Variants in SORCS3 observed in about 807,000 individuals in gnomAD.
SORCS3 encodes sortilin related VPS10 domain containing receptor 3.
A neutral mutation model predicts 146.3 loss-of-function variants in SORCS3; 57 were observed. That is an observed-to-expected ratio of 0.39 (90% CI 0.31 to 0.49). The LOEUF is 0.49. Among genes scored for constraint, SORCS3 ranks in the 20% least tolerant of loss-of-function variants. The pLI, the probability that SORCS3 is intolerant of heterozygous loss-of-function variation, is 0.92. For missense variants in SORCS3, 1,341 were observed against 1,575.5 expected, an observed-to-expected ratio of 0.85 and a Z score of 2.52; for synonymous variants, 653 against 618.5, an observed-to-expected ratio of 1.06 and a Z score of -0.83.
chr10:105,158,975 A>G lies in SORCS3; in HGVS notation c.1713A>G (p.Pro571=), dbSNP rs781231124. The G allele has an allele frequency of 6.2e-7, 1 of 1,612,114 alleles. No individual in the cohort carries two copies. Among genetic ancestry groups the G allele is most frequent in the East Asian group, 2.2e-5 (1 of 44,822 alleles). Residue 571 remains proline, a synonymous_variant, in exon 11 of 27, where the codon CCA becomes CCG. Coordinates refer to ENST00000369701, the MANE Select transcript of SORCS3 (RefSeq NM_014978.3). ...SGRISSKETA[P]GLVVATGNIG... ...GAATCTCTAGCAAGGAGACAGCCCC[A>G]GGACTTGTGGTGGCTACAGGTAAGA...
chr10:104,715,041 A>C (rs576478399), intron 1 of SORCS3, among the ~76,000 whole-genome samples: 2 of 152,212 alleles, frequency 1.3e-5, no homozygotes, highest in African/African-American at 4.8e-5. Context: ...TTGGTACTCC[A>C]TACCAATTAT....
chr10:104,995,868 G>A (rs1321337126), intron 4 of SORCS3, among the ~76,000 whole-genome samples: 1 of 152,048 alleles, frequency 6.6e-6, no homozygotes, highest in East Asian at 1.9e-4. Context: ...CCTTTTACTA[G>A]CTGCTATTAT....
At chr10:104,883,991 G>T (rs954973912) in intron 2 of SORCS3, among the ~76,000 whole-genome samples, 5 of 151,884 alleles carry the variant, frequency 3.3e-5, no homozygotes, top group African/African-American at 1.2e-4. Context: ...GGGGGAAAGG[G>T]TCCTACCCTA....
intron 1 of SORCS3, among the ~76,000 whole-genome samples, chr10:104,750,901 T>C (rs910872454): frequency 6.6e-5 from 10 of 152,194 alleles, no homozygotes; most frequent in African/African-American, 2.4e-4. Context: ...TAGACCTATA[T>C]TCTAGAATGA....
At chr10:105,152,930 T>C (rs1186797434) in intron 9 of SORCS3, among the ~76,000 whole-genome samples, 2 of 130,060 alleles carry the variant, frequency 1.5e-5, no homozygotes, top group Non-Finnish European at 3.5e-5. Context: ...TAGGCTTTTC[T>C]CACTATTAAT....
At chr10:105,112,206 T>TTTTG (rs933244224) in intron 7 of SORCS3, among the ~76,000 whole-genome samples, 2 of 152,046 alleles carry the variant, frequency 1.3e-5, no homozygotes, top group Non-Finnish European at 2.9e-5. Context: ...CTTATATTCT[T>TTTTG]TTTGTTTGTT....
intron 6 of SORCS3, among the ~76,000 whole-genome samples, chr10:105,093,779 G>A (rs149732214): frequency 7.9e-4 from 121 of 152,236 alleles, no homozygotes; most frequent in Middle Eastern, 3.4e-3. Flanking sequence ...CTCATACATT[G>A]CTGGTGGGGA....
At chr10:105,231,595 A>T (rs532316784) in intron 20 of SORCS3, among the ~76,000 whole-genome samples, 2 of 152,216 alleles carry the variant, frequency 1.3e-5, no homozygotes, top group East Asian at 3.9e-4. Context: ...TTTGTTTCTG[A>T]TCTTAGTGGG....
intron 3 of SORCS3, 125 bp downstream of exon 3, chr10:104,916,057 G>A (rs2019023672): frequency 4.4e-6 from 3 of 681,034 alleles, no homozygotes; most frequent in South Asian, 1.8e-5. Context: ...TATATGCTGG[G>A]AACTTCATAA....
At chr10:105,123,982 T>C (rs2055954438) in intron 7 of SORCS3, among the ~76,000 whole-genome samples, 1 of 152,206 alleles carries the variant, frequency 6.6e-6, no homozygotes, top group African/African-American at 2.4e-5. Context: ...TGTGTGAGTA[T>C]ATAAAATATC....
intron 4 of SORCS3, among the ~76,000 whole-genome samples, chr10:104,984,885 A>G (rs2054953277): frequency 6.6e-6 from 1 of 152,208 alleles, no homozygotes; most frequent in African/African-American, 2.4e-5. Flanking sequence ...TCTCAACTTA[A>G]AAATACCTTA....
chr10:105,230,742 G>C (rs1589699690), intron 20 of SORCS3, among the ~76,000 whole-genome samples: 4 of 152,268 alleles, frequency 2.6e-5, no homozygotes, highest in Admixed American at 2.0e-4. Flanking sequence ...CTGTCTGTGG[G>C]GGATGTCAAC....
chr10:105,131,121 G>A (rs962681128), intron 7 of SORCS3, among the ~76,000 whole-genome samples: 11 of 152,072 alleles, frequency 7.2e-5, no homozygotes, highest in Non-Finnish European at 1.3e-4. Context: ...TTGTTCTTAA[G>A]ATAAATATGA....
chr10:104,679,105 T>C (rs1057056689), intron 1 of SORCS3, among the ~76,000 whole-genome samples: 16 of 152,210 alleles, frequency 1.1e-4, no homozygotes, highest in Non-Finnish European at 1.9e-4. Flanking sequence ...TAGAGTTTCT[T>C]GCACCATAAA....
intron 1 of SORCS3, among the ~76,000 whole-genome samples, chr10:104,776,358 T>C (rs932093447): frequency 6.6e-6 from 1 of 152,146 alleles, no homozygotes; most frequent in Non-Finnish European, 1.5e-5. Flanking sequence ...TTTGAGTTCT[T>C]TCTGCTAGGC....
At chr10:104,883,983 G>A (rs896404581) in intron 2 of SORCS3, among the ~76,000 whole-genome samples, 2 of 151,378 alleles carry the variant, frequency 1.3e-5, no homozygotes, top group Non-Finnish European at 2.9e-5. Flanking sequence ...AATGAGGGGG[G>A]GGAAAGGGTC....
chr10:105,196,750 C>G (rs1290056714), intron 14 of SORCS3, among the ~76,000 whole-genome samples: 1 of 152,196 alleles, frequency 6.6e-6, no homozygotes, highest in Non-Finnish European at 1.5e-5. Context: ...GGTTAACTAG[C>G]CTGAGTTCTT....
chr10:105,234,940 A>T (rs2056784799), intron 20 of SORCS3, among the ~76,000 whole-genome samples: 1 of 151,882 alleles, frequency 6.6e-6, no homozygotes, highest in South Asian at 2.1e-4. Context: ...GCTGGACATG[A>T]TATACTGGTT....
chr10:105,080,896 A>G (rs1415754247), intron 5 of SORCS3, among the ~76,000 whole-genome samples: 1 of 152,222 alleles, frequency 6.6e-6, no homozygotes, highest in East Asian at 1.9e-4. Flanking sequence ...GCTGACAAAA[A>G]CAAGCATTGG....
Sources: gnomAD v4.1 joint callset for allele counts (sites outside exome capture counted in the v4.1 genomes callset) on GRCh38, gnomAD v4.1.1 for gene constraint, MANE v1.5 for transcripts, NCBI Gene and HGNC (gene_info 2026-07-23, HGNC 2026-07-21) for gene names.